Variants in SNRPC observed in about 807,000 individuals in gnomAD.
The protein encoded by SNRPC is small nuclear ribonucleoprotein polypeptide C.
A neutral mutation model predicts 20.0 loss-of-function variants in SNRPC; 5 were observed. The ratio of observed to expected loss-of-function variants is 0.25; its 90% CI spans 0.13 to 0.53. The LOEUF is 0.53. Ranked by LOEUF, SNRPC falls within the 20% of genes least tolerant of loss-of-function variation. The probability of loss-of-function intolerance (pLI) is 0.96; values close to 1 mark genes in which losing one functional copy is unlikely to be tolerated. For missense variants in SNRPC, 112 were observed against 224.1 expected, an observed-to-expected ratio of 0.50 and a Z score of 3.19; for synonymous variants, 61 against 58.7, an observed-to-expected ratio of 1.04 and a Z score of -0.18.
intron 3 of SNRPC, among the ~76,000 whole-genome samples, chr6:34,766,156 T>G (rs1470347635): frequency 1.3e-5 from 2 of 152,190 alleles, no homozygotes; most frequent in African/African-American, 2.4e-5. Flanking sequence ...GTAGTTACTT[T>G]CCATATGCAG....
At chr6:34,769,413 G>A (rs991655921) in intron 4 of SNRPC, among the ~76,000 whole-genome samples, 1 of 151,638 alleles carries the variant, frequency 6.6e-6, no homozygotes, top group Admixed American at 6.6e-5. Flanking sequence ...GGCTGGTTCC[G>A]AACTCCTGAC....
At chr6:34,767,539 G>A (rs146933716) in intron 3 of SNRPC, among the ~76,000 whole-genome samples, 73 of 152,288 alleles carry the variant, frequency 4.8e-4, no homozygotes, top group African/African-American at 1.6e-3. Context: ...ACCTGAGCCC[G>A]GGAGGTCGAA....
At chr6:34,769,260 C>T (rs1190102181) in intron 4 of SNRPC, among the ~76,000 whole-genome samples, 1 of 138,404 alleles carries the variant, frequency 7.2e-6, no homozygotes, top group African/African-American at 2.8e-5. Context: ...GACAGAGTCT[C>T]ACTCTGTTGC....
chr6:34,762,685 A>G lies in SNRPC; in HGVS notation c.142A>G (p.Ser48Gly). Reference sequence around the variant, plus strand: ...GAAATGGATGGAAGAGCAGGCTCAGAGCCTGATTGACAAAACAAGTATGTT... The same window carrying G: ...GAAATGGATGGAAGAGCAGGCTCAGGGCCTGATTGACAAAACAAGTATGTT... ...YQKWMEEQAQSLIDKTTAAFQ... is the reference protein window; with the variant it reads ...YQKWMEEQAQGLIDKTTAAFQ... Residue 48 changes from serine to glycine, a missense_variant, in exon 3 of 6, where the codon AGC (serine) becomes GGC (glycine). By Grantham distance (56) the Ser-to-Gly change is moderately conservative. Transcript: ENST00000244520. 6.4e-7 allele frequency: 1 copy of G among 1,558,652 alleles called. No homozygotes were observed. Among genetic ancestry groups the G allele is most frequent in the Non-Finnish European group, 8.9e-7 (1 of 1,129,708 alleles).
chr6:34,766,985 A>G (rs1372564626), intron 3 of SNRPC, among the ~76,000 whole-genome samples: 1 of 152,156 alleles, frequency 6.6e-6, no homozygotes, highest in Non-Finnish European at 1.5e-5. Context: ...AATATAGATG[A>G]TCTTCAGTTT....
rs555091263 is a variant in SNRPC at position 34,766,416 on chromosome 6, C to CT, written c.161-1489dup. 1.8e-4 allele frequency among the ~76,000 whole-genome samples: 28 copies of CT among 152,250 alleles called. 1 individual carries two copies. In the South Asian group the frequency reaches 5.4e-3, roughly 29 times the overall value. On this transcript the variant is annotated intron_variant, in intron 3 of 5. Coordinates refer to ENST00000244520, the MANE Select transcript of SNRPC (RefSeq NM_003093.3). ...ATCTCACTATGTTGCCCAAGCTAGTCTTTAACTCTGGAGCTCAAGAGATCC... is the reference window on the plus strand; with the variant it reads ...ATCTCACTATGTTGCCCAAGCTAGTCTTTTAACTCTGGAGCTCAAGAGATCC...
intron 1 of SNRPC, 87 bp downstream of exon 1, chr6:34,757,638 A>T: frequency 6.9e-7 from 1 of 1,453,734 alleles, no homozygotes; most frequent in Non-Finnish European, 9.6e-7. Context: ...TGGTTTCTGA[A>T]ACCTCGAGGG....
chr6:34,760,322 C>T (rs769476138), intron 2 of SNRPC, among the ~76,000 whole-genome samples: 2 of 151,808 alleles, frequency 1.3e-5, no homozygotes, highest in African/African-American at 2.4e-5. Flanking sequence ...CATGAAAAAA[C>T]GGTCCCGCCT....
chr6:34,757,587 T>G (rs749881339), intron 1 of SNRPC, 36 bp downstream of exon 1: 6 of 1,605,464 alleles, frequency 3.7e-6, no homozygotes, highest in Non-Finnish European at 5.1e-6. Flanking sequence ...GTGATCGTAG[T>G]CACTAGTTGT....
intron 3 of SNRPC, among the ~76,000 whole-genome samples, chr6:34,764,033 T>A (rs971440660): frequency 6.6e-6 from 1 of 150,920 alleles, no homozygotes; most frequent in Admixed American, 6.6e-5. Context: ...TTTTAAAAAT[T>A]AAAAAACAAT....
At chr6:34,771,105 G>A (rs545166029) in intron 5 of SNRPC, among the ~76,000 whole-genome samples, 4 of 152,298 alleles carry the variant, frequency 2.6e-5, no homozygotes, top group Admixed American at 2.6e-4. Context: ...AAGGCAGGCA[G>A]ATCACGAGGT....
intron 3 of SNRPC, among the ~76,000 whole-genome samples, chr6:34,764,787 C>T (rs1006971323): frequency 2.0e-5 from 3 of 151,828 alleles, no homozygotes; most frequent in Admixed American, 1.3e-4. Flanking sequence ...TTTGGGAGGC[C>T]GAGGTGGGTG....
chr6:34,766,791 C>T (rs565673369), intron 3 of SNRPC, among the ~76,000 whole-genome samples: 2 of 152,268 alleles, frequency 1.3e-5, no homozygotes, highest in East Asian at 1.9e-4. Context: ...ATAAGCTATT[C>T]ATGAATCTCC....
intron 5 of SNRPC, among the ~76,000 whole-genome samples, chr6:34,772,002 T>A (rs1035392413): frequency 2.6e-5 from 4 of 152,198 alleles, no homozygotes; most frequent in African/African-American, 9.7e-5. Context: ...ACAGGCTTGG[T>A]GTTGCCTTTT....
intron 2 of SNRPC, among the ~76,000 whole-genome samples, chr6:34,761,697 A>G (rs1764539809): frequency 1.3e-5 from 2 of 150,748 alleles, no homozygotes; most frequent in South Asian, 2.1e-4. Context: ...TATTTTTAGC[A>G]GAGACGAGGT....
chr6:34,773,406 T>C lies in SNRPC; in HGVS notation c.356-40T>C. 6.3e-7 allele frequency: 1 copy of C among 1,599,966 alleles called. No homozygotes were observed. Among genetic ancestry groups the C allele is most frequent in the Non-Finnish European group, 8.5e-7 (1 of 1,170,244 alleles). ...CAAACTCTCCCTAAATCGTATTTTCTGACTCCCTTTTTCTCCCTCTTCTTT... is the reference window on the plus strand; with the variant it reads ...CAAACTCTCCCTAAATCGTATTTTCCGACTCCCTTTTTCTCCCTCTTCTTT... On this transcript the variant is annotated intron_variant, in intron 5 of 5. Transcript: ENST00000244520. This position sits in a 1 kb window ranked among gnomAD's most constrained non-coding sequence, Gnocchi z 4.1.
rs534088852 is a variant in SNRPC at position 34,764,491 on chromosome 6, A to G, written c.160+1788A>G. 6.0e-4 allele frequency among the ~76,000 whole-genome samples: 91 copies of G among 150,798 alleles called. 2 individuals are homozygous for G. Among genetic ancestry groups the G allele is most frequent in the African/African-American group, 2.1e-3 (88 of 41,030 alleles). On this transcript the variant is annotated intron_variant, in intron 3 of 5. Coordinates refer to ENST00000244520, the MANE Select transcript of SNRPC (RefSeq NM_003093.3). ...AACTCCGTCTCAAAAACAAACAAAA[A>G]AAAACAACAAAAAACAAAAAATTCA... is the stretch of plus-strand genomic sequence containing the variant.
chr6:34,768,436 C>A (rs1182068064), intron 4 of SNRPC, among the ~76,000 whole-genome samples: 1 of 152,130 alleles, frequency 6.6e-6, no homozygotes, highest in African/African-American at 2.4e-5. Context: ...ACCCACCTAA[C>A]ACCAAAATCT....
intron 1 of SNRPC, 37 bp downstream of exon 1, chr6:34,757,588 C>A (rs1438222362): frequency 6.2e-7 from 1 of 1,605,040 alleles, no homozygotes; most frequent in Non-Finnish European, 8.5e-7. Flanking sequence ...TGATCGTAGT[C>A]ACTAGTTGTG....
Sources: allele counts gnomAD v4.1 joint callset (sites outside exome capture counted in the v4.1 genomes callset), GRCh38; gene constraint gnomAD v4.1.1; non-coding constraint Gnocchi (gnomAD v3.1); transcripts MANE v1.5; gene names NCBI Gene and HGNC (gene_info 2026-07-23, HGNC 2026-07-21).